Variants in PCDH9 observed in about 807,000 individuals in gnomAD.
PCDH9 encodes protocadherin-9.
PCDH9 carries 24 observed loss-of-function variants against 70.6 expected under a neutral mutation model. That is an observed-to-expected ratio of 0.34 (90% CI 0.25 to 0.48). PCDH9 has a LOEUF of 0.48. Ranked by LOEUF, PCDH9 falls within the 20% of genes least tolerant of loss-of-function variation. The pLI is 0.99. For missense variants in PCDH9, 1,281 were observed against 1,503.6 expected, an observed-to-expected ratio of 0.85 and a Z score of 2.45; for synonymous variants, 562 against 558.5, an observed-to-expected ratio of 1.01 and a Z score of -0.09.
Position 66,698,931 on chromosome 13 carries a change from T to C in PCDH9, c.3139-67520A>G, listed in dbSNP as rs1175027607. Reference sequence around the variant, plus strand: ...TTTTTTTTTTTTGTTGTTGTTGTTGTTGAGATGGAGTCTCACTCTGTCGTC... The same window carrying C: ...TTTTTTTTTTTTGTTGTTGTTGTTGCTGAGATGGAGTCTCACTCTGTCGTC... On this transcript the variant is annotated intron_variant, in intron 3 of 4. Transcript: ENST00000377865. 1.3e-4 allele frequency among the ~76,000 whole-genome samples: 18 copies of C among 142,940 alleles called. 1 individual carries two copies. Among genetic ancestry groups the C allele is most frequent in the Admixed American group, 5.2e-4 (7 of 13,526 alleles). The allele number at this position is 142,940 out of a possible 152,430, so 93.8% of individuals were successfully genotyped here. A position where few individuals can be genotyped will look rare whatever the true frequency, so the allele number is the denominator to read the frequency against.
In PCDH9 at chr13:66,573,907, T is replaced by A. The variant is rs1172859145; in HGVS notation, c.3340+57303A>T. On this transcript the variant is annotated intron_variant, in intron 4 of 4. Transcript: ENST00000377865. ...TCAGTTAATTTTTTCCTCTACTTTCTTCCTTTCTACCAATATTTTCCAGCT... is the reference window on the plus strand; with the variant it reads ...TCAGTTAATTTTTTCCTCTACTTTCATCCTTTCTACCAATATTTTCCAGCT... Among the ~76,000 whole-genome samples the A allele has an allele frequency of 2.0e-5, 3 of 152,182 alleles. No homozygotes were observed. The South Asian group carries it at 6.2e-4, about 32-fold the overall frequency.
intron 2 of PCDH9, among the ~76,000 whole-genome samples, chr13:67,024,972 A>T (rs959586878): frequency 7.2e-5 from 11 of 152,124 alleles, no homozygotes; most frequent in African/African-American, 2.4e-4. Context: ...ACCAATATGT[A>T]TGTCACAAGT....
intron 3 of PCDH9, among the ~76,000 whole-genome samples, chr13:66,637,617 G>C (rs2077655628): frequency 6.6e-6 from 1 of 152,066 alleles, no homozygotes; most frequent in Non-Finnish European, 1.5e-5. Flanking sequence ...AAATTGTTTA[G>C]AAATTTAATT....
intron 3 of PCDH9, among the ~76,000 whole-genome samples, chr13:66,659,443 A>C (rs1336375562): frequency 6.6e-6 from 1 of 152,170 alleles, no homozygotes. Flanking sequence ...GCTCCAAGTC[A>C]GAATGACTTA....
chr13:66,914,349 T>A (rs1447363647), intron 2 of PCDH9: 1 of 151,906 alleles, frequency 6.6e-6, no homozygotes, highest in African/African-American at 2.4e-5. Flanking sequence ...AGCTTCAAAC[T>A]AATATAACTT....
At chr13:67,055,703 A>G (rs543785925) in intron 2 of PCDH9, among the ~76,000 whole-genome samples, 1 of 152,280 alleles carries the variant, frequency 6.6e-6, no homozygotes, top group East Asian at 1.9e-4. Context: ...CAGGAGCTGA[A>G]GTGGCGGGAT....
At chr13:67,166,701 TA>T (rs2138431988) in intron 2 of PCDH9, among the ~76,000 whole-genome samples, 1 of 152,290 alleles carries the variant, frequency 6.6e-6, no homozygotes, top group East Asian at 1.9e-4. Flanking sequence ...GTTATATTAT[TA>T]CGGTGGTAGT....
At chr13:67,112,557 T>C (rs1594528219) in intron 2 of PCDH9, among the ~76,000 whole-genome samples, 1 of 152,240 alleles carries the variant, frequency 6.6e-6, no homozygotes, top group East Asian at 1.9e-4. Context: ...TATCAAAGAA[T>C]TAAAAGAATA....
At chr13:66,724,545 A>C (rs1195241966) in intron 3 of PCDH9, among the ~76,000 whole-genome samples, 1 of 152,102 alleles carries the variant, frequency 6.6e-6, no homozygotes, top group Non-Finnish European at 1.5e-5. Context: ...TGATAATACA[A>C]CTCTGACCTA....
rs10559380 is a variant in PCDH9, at chr13:66,626,951, C to CTGTGTG, written c.3340+4253_3340+4258dup. Reference sequence around the variant, plus strand: ...GCCAGTATTATTAGATCAAATGCCACTGTGTGTGTGTGTGTGTGTGTGTGT... The same window carrying CTGTGTG: ...GCCAGTATTATTAGATCAAATGCCACTGTGTGTGTGTGTGTGTGTGTGTGTGTGTGT... On this transcript the variant is annotated intron_variant, in intron 4 of 4. Transcript: ENST00000377865. Among the ~76,000 whole-genome samples the CTGTGTG allele has an allele frequency of 4.6e-3, 683 of 147,478 alleles. 4 individuals are homozygous for CTGTGTG. The highest frequency in any genetic ancestry group is 0.015 in the African/African-American group (585 of 40,082).
At chr13:66,382,309 C>T (rs1956862654) in intron 4 of PCDH9, among the ~76,000 whole-genome samples, 1 of 151,994 alleles carries the variant, frequency 6.6e-6, no homozygotes, top group Admixed American at 6.5e-5. Flanking sequence ...AAGAATAGGC[C>T]ACCTAGCCCA....
intron 2 of PCDH9, among the ~76,000 whole-genome samples, chr13:67,042,787 C>G (rs2085147141): frequency 6.6e-6 from 1 of 152,110 alleles, no homozygotes; most frequent in African/African-American, 2.4e-5. Context: ...CAAGAAAATA[C>G]TAGAATTTGT....
At chr13:66,964,768 A>G (rs2083404764) in intron 2 of PCDH9, among the ~76,000 whole-genome samples, 1 of 152,092 alleles carries the variant, frequency 6.6e-6, no homozygotes, top group African/African-American at 2.4e-5. Context: ...ACAAATACCT[A>G]TACATAAATA....
intron 4 of PCDH9, among the ~76,000 whole-genome samples, chr13:66,572,556 G>A (rs1189804947): frequency 6.6e-6 from 1 of 152,014 alleles, no homozygotes; most frequent in East Asian, 1.9e-4. Flanking sequence ...TTCCTTTTAT[G>A]GCTGAATAAT....
At chr13:66,775,101 T>C (rs1336559296) in intron 3 of PCDH9, among the ~76,000 whole-genome samples, 2 of 152,236 alleles carry the variant, frequency 1.3e-5, no homozygotes, top group African/African-American at 4.8e-5. Flanking sequence ...GATTTAAGGA[T>C]TATGAGCTAA....
intron 4 of PCDH9, among the ~76,000 whole-genome samples, chr13:66,561,530 G>T (rs746238611): frequency 3.2e-4 from 48 of 152,218 alleles, no homozygotes; most frequent in Non-Finnish European, 6.6e-4. Context: ...CTAGCTAAGA[G>T]ATTGTAAATA....
chr13:67,156,517 G>C (rs185809084), intron 2 of PCDH9, among the ~76,000 whole-genome samples: 26 of 152,122 alleles, frequency 1.7e-4, no homozygotes, highest in African/African-American at 3.6e-4. Context: ...TGGGAGGAGA[G>C]CCCTGGCCGT....
At chr13:66,340,794 G>A (rs991550214) in intron 4 of PCDH9, among the ~76,000 whole-genome samples, 1 of 152,066 alleles carries the variant, frequency 6.6e-6, no homozygotes, top group South Asian at 2.1e-4. Context: ...ATGACAAGTA[G>A]GTCATAGGTA....
intron 2 of PCDH9, among the ~76,000 whole-genome samples, chr13:66,939,895 G>C (rs2139680709): frequency 6.6e-6 from 1 of 152,214 alleles, no homozygotes; most frequent in Admixed American, 6.5e-5. Flanking sequence ...AGAGGTCTAT[G>C]TGTATTGTTT....
Sources: gnomAD v4.1 joint callset for allele counts (sites outside exome capture counted in the v4.1 genomes callset) on GRCh38, gnomAD v4.1.1 for gene constraint, MANE v1.5 for transcripts, NCBI Gene and HGNC (gene_info 2026-07-23, HGNC 2026-07-21) for gene names.